Variants in SMARCC1 observed in about 807,000 individuals in gnomAD.
SMARCC1 encodes SWI/SNF complex subunit SMARCC1.
Under a neutral mutation model 147.4 loss-of-function variants are expected in SMARCC1, and 43 were observed. That is an observed-to-expected ratio of 0.29 (90% CI 0.23 to 0.38). SMARCC1 has a LOEUF of 0.38. SMARCC1 is among the 10% of genes least tolerant of loss of function. SMARCC1 has a pLI of 1.00. For missense variants in SMARCC1, 1,119 were observed against 1,381.1 expected (o/e 0.81, Z 3.01); for synonymous variants, 495 against 484.4 (o/e 1.02, Z -0.29).
intron 5 of SMARCC1, among the ~76,000 whole-genome samples, chr3:47,731,062 T>C (rs575310912): frequency 5.1e-4 from 77 of 152,312 alleles, no homozygotes; most frequent in African/African-American, 1.6e-3. Context: ...CACAAATGAT[T>C]TCTCTGTAGC....
Position 47,587,715 on chromosome 3 carries a change from C to T in SMARCC1, c.*494G>A, listed in dbSNP as rs928116073. 6.5e-6 allele frequency: 1 copy of T among 154,934 alleles called. No homozygotes were observed. Among genetic ancestry groups the T allele is most frequent in the South Asian group, 2.0e-4 (1 of 4,982 alleles). The allele number at this position is 154,934 out of a possible 1,614,324, so 9.6% of individuals were successfully genotyped here. ...TCACTTATAATGCCTTAAGGTTTGT[C>T]CCCTGTGGCTATTCCCCCCCTTCTG... On this transcript the variant is annotated 3_prime_UTR_variant, in exon 28 of 28. Coordinates refer to ENST00000254480, the MANE Select transcript of SMARCC1 (RefSeq NM_003074.4).
intron 5 of SMARCC1, among the ~76,000 whole-genome samples, chr3:47,735,679 C>T (rs1040064730): frequency 3.9e-5 from 6 of 151,972 alleles, no homozygotes; most frequent in Non-Finnish European, 7.4e-5. Context: ...ACTTGAACCT[C>T]GGAGGCAGAG....
intron 27 of SMARCC1, among the ~76,000 whole-genome samples, chr3:47,589,129 T>C (rs2108222202): frequency 6.6e-6 from 1 of 152,352 alleles, no homozygotes; most frequent in South Asian, 2.1e-4. Flanking sequence ...GAAAGCATTC[T>C]GAAGCTCACT....
At chr3:47,695,361 A>C (rs1205252052) in intron 11 of SMARCC1, among the ~76,000 whole-genome samples, 1 of 152,252 alleles carries the variant, frequency 6.6e-6, no homozygotes, top group Non-Finnish European at 1.5e-5. Context: ...TGTTATGTGA[A>C]GTATATCTCA....
At chr3:47,759,142 G>C (rs1202264800) in intron 2 of SMARCC1, among the ~76,000 whole-genome samples, 1 of 151,970 alleles carries the variant, frequency 6.6e-6, no homozygotes, top group Non-Finnish European at 1.5e-5. Context: ...CTCCCAAATA[G>C]CTGGGACGAC....
In SMARCC1 at chr3:47,673,402, G is replaced by T. The variant is rs1232290060; in HGVS notation, c.1839+2073C>A. ...CTCTGTCTCAAAAAAAAAAGGGTGG[G>T]GGGGGGGCAGGCCAGTGGCTCAGGC... On this transcript the variant is annotated intron_variant, in intron 18 of 27. Transcript: ENST00000254480. 2.2e-5 allele frequency among the ~76,000 whole-genome samples: 3 copies of T among 135,208 alleles called. 1 individual carries two copies. The highest frequency in any genetic ancestry group is 1.5e-4 in the Admixed American group (2 of 13,690). 88.7% of individuals were successfully genotyped at this position (135,208 alleles called of 152,430 possible).
intron 21 of SMARCC1, 38 bp downstream of exon 21, chr3:47,661,255 AT>A (rs772749432): frequency 6.5e-7 from 1 of 1,536,806 alleles, no homozygotes; most frequent in Admixed American, 2.1e-5. Context: ...GAATACAAAC[AT>A]ATATTAACCC....
At chr3:47,660,059 G>A (rs1386849747) in intron 21 of SMARCC1, among the ~76,000 whole-genome samples, 2 of 151,896 alleles carry the variant, frequency 1.3e-5, no homozygotes, top group African/African-American at 4.8e-5. Context: ...TCTACCCCTA[G>A]GTATACACCC....
At chr3:47,718,244 A>G (rs1052073260) in intron 7 of SMARCC1, among the ~76,000 whole-genome samples, 8 of 151,962 alleles carry the variant, frequency 5.3e-5, no homozygotes, top group Admixed American at 1.3e-4. Flanking sequence ...CAGGAGTTTG[A>G]AACCAGCCTG....
At chr3:47,684,130 C>T (rs1431898710) in intron 14 of SMARCC1, among the ~76,000 whole-genome samples, 3 of 149,824 alleles carry the variant, frequency 2.0e-5, no homozygotes, top group Non-Finnish European at 3.0e-5. Flanking sequence ...GTCCCAGCTA[C>T]TTGGGAGGCT....
At chr3:47,686,405 G>T (rs1355199496) in intron 13 of SMARCC1, among the ~76,000 whole-genome samples, 1 of 152,150 alleles carries the variant, frequency 6.6e-6, no homozygotes, top group Admixed American at 6.5e-5. Context: ...TGCAGAGAAG[G>T]TAGGTCTCTC....
Position 47,781,737 on chromosome 3 carries a change from TC to T in SMARCC1, c.60del (p.Ile21LeufsTer8). ...PGTAVGATGS[G>X]IAAAAAGLAV... The stretch of plus-strand genomic sequence containing the variant: ...GCTAGGCCTGCGGCTGCCGCCGCAA[TC>T]CCCGAGCCCGTGGCGCCTACCGCTG... On this transcript the variant is annotated frameshift_variant, in exon 1 of 28. Transcript: ENST00000254480. LOFTEE classifies it high-confidence loss of function. The T allele has an allele frequency of 6.4e-7, 1 of 1,550,914 alleles. No individual in the cohort carries two copies. Among genetic ancestry groups the T allele is most frequent in the Non-Finnish European group, 8.7e-7 (1 of 1,153,886 alleles).
intron 12 of SMARCC1, 118 bp downstream of exon 12, chr3:47,693,123 T>C (rs1288348194): frequency 1.4e-6 from 1 of 708,402 alleles, no homozygotes; most frequent in Non-Finnish European, 2.5e-6. Context: ...TGAGCTATAT[T>C]ACACCACTGC....
chr3:47,603,774 C>A, intron 26 of SMARCC1: 1 of 308,252 alleles, frequency 3.2e-6, no homozygotes, highest in Non-Finnish European at 6.4e-6. Context: ...TAAAGGTGGT[C>A]TAAGAACAGT....
intron 25 of SMARCC1, among the ~76,000 whole-genome samples, chr3:47,611,741 G>A (rs571456381): frequency 1.3e-3 from 197 of 152,314 alleles, no homozygotes; most frequent in African/African-American, 4.5e-3. Context: ...GAAAATCCCT[G>A]TGAAATTGAG....
intron 12 of SMARCC1, among the ~76,000 whole-genome samples, chr3:47,692,834 A>G (rs1277889646): frequency 6.6e-6 from 1 of 152,188 alleles, no homozygotes. Flanking sequence ...AGGCCTGAAC[A>G]TGGTGAAACC....
intron 4 of SMARCC1, among the ~76,000 whole-genome samples, chr3:47,737,539 C>CA (rs1051057452): frequency 6.6e-6 from 1 of 152,174 alleles, no homozygotes; most frequent in Non-Finnish European, 1.5e-5. Context: ...CTCTAATCCC[C>CA]AAACACCCAT....
At position 47,585,992 on chromosome 3, in the gene SMARCC1, C is replaced by G. The variant is rs1313261057; in HGVS notation, c.*2217G>C. Reference sequence around the variant, plus strand: ...GCCAAACTCCCTCCCCTCATTTTTTCCAAAATAACAACACACTGAGAAACA... The same window carrying G: ...GCCAAACTCCCTCCCCTCATTTTTTGCAAAATAACAACACACTGAGAAACA... On this transcript the variant is annotated 3_prime_UTR_variant, in exon 28 of 28. Coordinates refer to ENST00000254480, the MANE Select transcript of SMARCC1 (RefSeq NM_003074.4). 6.6e-6 allele frequency: 1 copy of G among 152,476 alleles called. No individual in the cohort carries two copies. The highest frequency in any genetic ancestry group is 1.9e-4 in the East Asian group (1 of 5,192). 9.4% of individuals were successfully genotyped at this position (152,476 alleles called of 1,614,324 possible). A position where few individuals can be genotyped will look rare whatever the true frequency, so the allele number is the denominator to read the frequency against.
At chr3:47,624,454 C>T (rs2032778381) in intron 24 of SMARCC1, among the ~76,000 whole-genome samples, 1 of 152,152 alleles carries the variant, frequency 6.6e-6, no homozygotes, top group South Asian at 2.1e-4. Flanking sequence ...AAAAATTGGA[C>T]TGCATCAGAC....
Sources: allele counts gnomAD v4.1 joint callset (sites outside exome capture counted in the v4.1 genomes callset), GRCh38; gene constraint gnomAD v4.1.1; transcripts MANE v1.5; gene names NCBI Gene and HGNC (gene_info 2026-07-23, HGNC 2026-07-21).